CIITA: variants seen among roughly 807,000 people sequenced by gnomAD.
The protein encoded by CIITA is MHC class II transactivator.
CIITA carries 72 observed loss-of-function variants against 115.1 expected under a neutral mutation model. That is an observed-to-expected ratio of 0.63 (90% CI 0.52 to 0.76). The LOEUF is 0.76. Ranked by LOEUF, CIITA falls within the 30% of genes least tolerant of loss-of-function variation. CIITA has a pLI of 0.00. For synonymous variants in CIITA, 763 were observed against 635.6 expected (o/e 1.20, Z -3.02); for missense variants, 1,617 against 1,463.8 (o/e 1.10, Z -1.71).
intron 13 of CIITA, among the ~76,000 whole-genome samples, chr16:10,911,619 A>G (rs547039108): frequency 6.6e-6 from 1 of 151,652 alleles, no homozygotes; most frequent in Non-Finnish European, 1.5e-5. Context: ...CAGTGGCACA[A>G]TCACAGCTCA....
chr16:10,886,085 C>CTTTTTT, intron 1 of CIITA, among the ~76,000 whole-genome samples: 1 of 136,762 alleles, frequency 7.3e-6, no homozygotes. Context: ...GATGGAGTCT[C>CTTTTTT]ACTCTGTCAC....
chr16:10,877,479 G>A (rs2035940284), intron 1 of CIITA, 97 bp downstream of exon 1: 1 of 1,238,620 alleles, frequency 8.1e-7, no homozygotes, highest in African/African-American at 1.5e-5. Context: ...TGGGGATGGG[G>A]GTGAGGATGG....
chr16:10,874,968 C>CT (rs376754614), upstream of CIITA, among the ~76,000 whole-genome samples: 656 of 151,460 alleles, frequency 4.3e-3, 5 homozygotes, highest in African/African-American at 0.015. Context: ...GAATTTCTTT[C>CT]TTTTTTTTTC....
At chr16:10,868,845 C>T (rs928776956) in intron 1 of CIITA, among the ~76,000 whole-genome samples, 1 of 152,184 alleles carries the variant, frequency 6.6e-6, no homozygotes, top group African/African-American at 2.4e-5. Context: ...ACTCGGGGCC[C>T]AGTGTGGTCT....
chr16:10,941,159 G>C (rs2041097573), downstream of CIITA: 1 of 152,974 alleles, frequency 6.5e-6, no homozygotes, highest in African/African-American at 2.4e-5. The surrounding 1 kb of genome is among the most constrained non-coding windows in gnomAD (Gnocchi z 6.4). Context: ...TGTGTCTTCT[G>C]ACACCCCTAA....
intron 1 of CIITA, among the ~76,000 whole-genome samples, chr16:10,890,694 G>T (rs1461324439): frequency 6.6e-6 from 1 of 152,196 alleles, no homozygotes; most frequent in South Asian, 2.1e-4. Context: ...GGAAGGGAAA[G>T]GGTCCCTTTG....
chr16:10,938,110 T>C (rs1030235694), downstream of CIITA: 27 of 152,358 alleles, frequency 1.8e-4, no homozygotes, highest in African/African-American at 6.5e-4. This position sits in a 1 kb window ranked among gnomAD's most constrained non-coding sequence, Gnocchi z 4.9. Context: ...TATTAATACA[T>C]CTCTTACTAT....
intron 1 of CIITA, among the ~76,000 whole-genome samples, chr16:10,866,919 G>T (rs1300761236): frequency 6.6e-6 from 1 of 152,200 alleles, no homozygotes; most frequent in Non-Finnish European, 1.5e-5. Flanking sequence ...TAGTGGGGAA[G>T]ATGGATGCAG....
intron 1 of CIITA, among the ~76,000 whole-genome samples, chr16:10,881,513 T>A (rs183492939): frequency 6.6e-6 from 1 of 152,364 alleles, no homozygotes; most frequent in Admixed American, 6.5e-5. Context: ...GACAGTGCCC[T>A]AATGCTTGCT....
At chr16:10,938,085 AAT>A (rs1193452389), downstream of CIITA, 7 of 152,242 alleles carry the variant, frequency 4.6e-5, no homozygotes, top group Non-Finnish European at 1.0e-4. The surrounding 1 kb of genome is among the most constrained non-coding windows in gnomAD (Gnocchi z 4.9). Flanking sequence ...TCCGACTATG[AAT>A]ATGAGTGGTT....
intron 7 of CIITA, 76 bp from the exon 8 acceptor site, chr16:10,902,582 A>T: frequency 6.3e-7 from 1 of 1,587,310 alleles, no homozygotes; most frequent in South Asian, 1.1e-5. Flanking sequence ...GTCAGACATT[A>T]ATCAAATAAG....
chr16:10,896,740 T>G (rs1188252196), intron 3 of CIITA, among the ~76,000 whole-genome samples: 1 of 152,204 alleles, frequency 6.6e-6, no homozygotes, highest in African/African-American at 2.4e-5. Context: ...AAACTCTTCT[T>G]AGTGGTCTTC....
chr16:10,908,018 T>C lies in CIITA; in HGVS notation c.2526T>C (p.Pro842=). 6.2e-7 allele frequency: 1 copy of C among 1,605,288 alleles called. No individual in the cohort carries two copies. Among genetic ancestry groups the C allele is most frequent in the Non-Finnish European group, 8.5e-7 (1 of 1,173,646 alleles). Residue 842 remains proline (P), a synonymous_variant, in exon 11 of 20, where the codon CCT becomes CCC. Coordinates refer to ENST00000324288, the MANE Select transcript of CIITA (RefSeq NM_000246.4). ...RLSFLGTRLT[P]PDAHVLGKAL... ...CTTTTCTGGGCACCCGCCTCACGCC[T>C]CCTGATGCACATGTACTGGGCAAGG...
intron 16 of CIITA, among the ~76,000 whole-genome samples, chr16:10,921,012 G>A (rs961437903): frequency 8.5e-5 from 13 of 152,194 alleles, no homozygotes; most frequent in African/African-American, 2.4e-4. Context: ...GGGAGTATAG[G>A]CATGTGCCAT....
chr16:10,906,472 A>G, intron 10 of CIITA, 27 bp from the exon 11 acceptor site: 1 of 1,610,164 alleles, frequency 6.2e-7, no homozygotes, highest in Non-Finnish European at 8.5e-7. Context: ...ACATACCCCC[A>G]CCCTGACACG....
chr16:10,870,858 G>C lies in CIITA; in HGVS notation c.-21+4539G>C, dbSNP rs1160512744. Among the ~76,000 whole-genome samples, 3 of 152,230 alleles carry C rather than the reference G, an allele frequency of 2.0e-5. No individual in the cohort carries two copies. The South Asian group carries it at 6.2e-4, about 31-fold the overall frequency. ...ACCACTCTGAGTCTAACAGCAAGGA[G>C]AATGGAACAGGAAGAAGATAAACCA... is the stretch of plus-strand genomic sequence containing the variant. On this transcript the variant is annotated intron_variant, in intron 1 of 5. Coordinates refer to the CIITA transcript ENST00000636238.
chr16:10,891,498 T>C (rs981181676), intron 1 of CIITA, among the ~76,000 whole-genome samples: 1 of 152,176 alleles, frequency 6.6e-6, no homozygotes, highest in East Asian at 1.9e-4. Context: ...AGATATGGAA[T>C]CATTTTATAG....
intron 3 of CIITA, among the ~76,000 whole-genome samples, chr16:10,898,256 A>C (rs1048587903): frequency 2.0e-5 from 3 of 152,120 alleles, no homozygotes; most frequent in African/African-American, 7.2e-5. Context: ...TAGAACCTCT[A>C]ATTATCACCA....
Position 10,933,699 on chromosome 16 carries a change from T to C in CIITA, c.*9844T>C, listed in dbSNP as rs1369945951. On this transcript the variant is annotated 3_prime_UTR_variant, in exon 20 of 20. Coordinates refer to ENST00000324288, the MANE Select transcript of CIITA (RefSeq NM_000246.4). ...AAACCAATACCGGCAGGGAACCTTCTCAAGGCTAGGGGCCTTCTGAAAGCA... is the reference window on the plus strand; with the variant it reads ...AAACCAATACCGGCAGGGAACCTTCCCAAGGCTAGGGGCCTTCTGAAAGCA... 2 of 152,370 alleles carry C rather than the reference T, an allele frequency of 1.3e-5. No homozygotes were observed. Among genetic ancestry groups the C allele is most frequent in the African/African-American group, 4.8e-5 (2 of 41,462 alleles). 9.4% of individuals were successfully genotyped at this position (152,370 alleles called of 1,614,324 possible). A position where few individuals can be genotyped will look rare whatever the true frequency, so the allele number is the denominator to read the frequency against.
Sources: allele counts gnomAD v4.1 joint callset (sites outside exome capture counted in the v4.1 genomes callset), GRCh38; gene constraint gnomAD v4.1.1; non-coding constraint Gnocchi (gnomAD v3.1); transcripts MANE v1.5; gene names NCBI Gene and HGNC (gene_info 2026-07-23, HGNC 2026-07-21).